APP: variants seen among roughly 807,000 people sequenced by gnomAD.
APP encodes the protein amyloid-beta precursor protein.
APP carries 31 observed loss-of-function variants against 101.4 expected under a neutral mutation model. That is an observed-to-expected ratio of 0.31 (90% confidence interval 0.23 to 0.41). APP has a LOEUF of 0.41. Among genes scored for constraint, APP ranks in the 10% least tolerant of loss-of-function variants. The pLI, the probability that APP is intolerant of heterozygous loss-of-function variation, is 1.00. For synonymous variants in APP, 366 were observed against 364.4 expected, an observed-to-expected ratio of 1.00 and a Z score of -0.05; for missense variants, 839 against 1,003.7, an observed-to-expected ratio of 0.84 and a Z score of 2.22.
intron 13 of APP, among the ~76,000 whole-genome samples, chr21:25,949,496 T>C (rs966580433): frequency 1.3e-5 from 2 of 152,214 alleles, no homozygotes; most frequent in African/African-American, 4.8e-5. Context: ...TTACGCTAGA[T>C]GTCAAGGAAG....
intron 2 of APP, among the ~76,000 whole-genome samples, chr21:26,100,920 C>A (rs1022092779): frequency 6.6e-6 from 1 of 152,138 alleles, no homozygotes; most frequent in African/African-American, 2.4e-5. Context: ...GCATTTGAGG[C>A]TTAACCTGTT....
chr21:25,993,586 G>A (rs569743070), intron 8 of APP, among the ~76,000 whole-genome samples: 1 of 152,334 alleles, frequency 6.6e-6, no homozygotes, highest in South Asian at 2.1e-4. Context: ...TGAGAGCTTG[G>A]ACAATAGTCT....
At chr21:25,918,834 A>C (rs1382257394) in intron 13 of APP, among the ~76,000 whole-genome samples, 1 of 150,008 alleles carries the variant, frequency 6.7e-6, no homozygotes, top group Non-Finnish European at 1.5e-5. Context: ...AGGCTTGCTT[A>C]GGTAAACAAA....
chr21:25,933,237 T>C (rs1002358779), intron 13 of APP, among the ~76,000 whole-genome samples: 12 of 152,326 alleles, frequency 7.9e-5, no homozygotes, highest in African/African-American at 2.4e-4. Context: ...CAGCTGGGTC[T>C]ACAGGCATGC....
chr21:26,040,261 T>C (rs1002585612), intron 5 of APP, among the ~76,000 whole-genome samples: 4 of 152,212 alleles, frequency 2.6e-5, no homozygotes, highest in Non-Finnish European at 5.9e-5. Context: ...GGATTAGGGA[T>C]GCTCAACCTG....
intron 2 of APP, among the ~76,000 whole-genome samples, chr21:26,111,209 T>C (rs1292900953): frequency 6.6e-6 from 1 of 152,064 alleles, no homozygotes; most frequent in Non-Finnish European, 1.5e-5. Context: ...ATGAAAATGT[T>C]TATCAATAGA....
At chr21:26,007,788 T>C (rs1441754601) in intron 6 of APP, among the ~76,000 whole-genome samples, 1 of 152,128 alleles carries the variant, frequency 6.6e-6, no homozygotes, top group East Asian at 1.9e-4. Context: ...CCATGTACTT[T>C]TAATAGAAAA....
At chr21:26,126,174 T>C (rs1430024083) in intron 1 of APP, among the ~76,000 whole-genome samples, 1 of 152,336 alleles carries the variant, frequency 6.6e-6, no homozygotes, top group Non-Finnish European at 1.5e-5. Flanking sequence ...AGAACACAAC[T>C]GTGATCGCAA....
chr21:25,928,418 G>T (rs1017986132), intron 13 of APP, among the ~76,000 whole-genome samples: 1 of 152,084 alleles, frequency 6.6e-6, no homozygotes, highest in Admixed American at 6.6e-5. Flanking sequence ...GAAAGATGCT[G>T]TATTAAGATT....
intron 6 of APP, among the ~76,000 whole-genome samples, chr21:26,007,630 G>T (rs1192863792): frequency 1.3e-5 from 2 of 151,598 alleles, no homozygotes; most frequent in Non-Finnish European, 1.5e-5. Flanking sequence ...GACATTTCAT[G>T]AGCCTAAGTT....
At chr21:25,910,495 A>G (rs1254260809) in intron 14 of APP, among the ~76,000 whole-genome samples, 3 of 152,214 alleles carry the variant, frequency 2.0e-5, no homozygotes, top group African/African-American at 7.2e-5. Flanking sequence ...AAAATCAGGT[A>G]AAGTGCTGTT....
chr21:25,918,738 G>A (rs1433341581), intron 13 of APP, among the ~76,000 whole-genome samples: 11 of 151,398 alleles, frequency 7.3e-5, no homozygotes, highest in East Asian at 3.9e-4. Flanking sequence ...CTACGCCCAC[G>A]GAATCGCGCT....
At chr21:25,900,277 A>G (rs2038356179) in intron 15 of APP, among the ~76,000 whole-genome samples, 1 of 149,330 alleles carries the variant, frequency 6.7e-6, no homozygotes, top group Admixed American at 6.9e-5. Context: ...TCACGCCTGT[A>G]ATCCCAGCAC....
At chr21:25,921,097 T>C (rs1319774859) in intron 13 of APP, among the ~76,000 whole-genome samples, 6 of 143,120 alleles carry the variant, frequency 4.2e-5, no homozygotes, top group African/African-American at 1.6e-4. Flanking sequence ...CTCAACTACA[T>C]GGAAACTGAA....
In APP at chr21:25,954,346, T is replaced by G. The variant is rs13052904; in HGVS notation, c.1687+244A>C. Among the ~76,000 whole-genome samples, 3,897 of 152,328 alleles carry G rather than the reference T, an allele frequency of 0.026. 73 individuals are homozygous for G. Among genetic ancestry groups the G allele is most frequent in the Admixed American group, 0.045 (687 of 15,296 alleles). Reference sequence around the variant, plus strand: ...CTGCCACGTATAATTCAATAACAAGTGTCCAATTATTACAAAACTATACCC... The same window carrying G: ...CTGCCACGTATAATTCAATAACAAGGGTCCAATTATTACAAAACTATACCC... On this transcript the variant is annotated intron_variant, in intron 13 of 17. Coordinates refer to ENST00000346798, the MANE Select transcript of APP (RefSeq NM_000484.4).
intron 1 of APP, among the ~76,000 whole-genome samples, chr21:26,114,191 T>C (rs1032978882): frequency 8.5e-5 from 13 of 152,234 alleles, no homozygotes; most frequent in Non-Finnish European, 1.9e-4. Flanking sequence ...AATCTGTTCA[T>C]TACAATGTCT....
chr21:26,027,120 T>C lies in APP; in HGVS notation c.663-5078A>G, dbSNP rs1601253079. ...GACAGAGAGAAAGCTCTGATTCTCA[T>C]GGTTATGTGAATATGGACTATCATG... On this transcript the variant is annotated intron_variant, in intron 5 of 17. Transcript: ENST00000346798. Among the ~76,000 whole-genome samples, 3 of 152,340 alleles carry C rather than the reference T, an allele frequency of 2.0e-5. No homozygotes were observed. The East Asian group carries it at 5.8e-4, about 29-fold the overall frequency.
intron 13 of APP, among the ~76,000 whole-genome samples, chr21:25,940,126 G>T (rs2040513568): frequency 6.6e-6 from 1 of 151,976 alleles, no homozygotes. Context: ...TAATCTTAAG[G>T]GTATTGAGCC....
chr21:26,003,693 G>C (rs2146694036), intron 6 of APP, among the ~76,000 whole-genome samples: 1 of 152,326 alleles, frequency 6.6e-6, no homozygotes, highest in South Asian at 2.1e-4. Flanking sequence ...TGCTGACATG[G>C]AGGATGAGCA....
Sources: gnomAD v4.1 joint callset for allele counts (sites outside exome capture counted in the v4.1 genomes callset) on GRCh38, gnomAD v4.1.1 for gene constraint, MANE v1.5 for transcripts, NCBI Gene and HGNC (gene_info 2026-07-23, HGNC 2026-07-21) for gene names.